The following SMAD5 variants were observed in gnomAD, a reference collection of about 807,000 sequenced individuals.
SMAD5 encodes the protein MAD, mothers against decapentaplegic homolog 5.
A neutral mutation model predicts 43.1 loss-of-function variants in SMAD5; 9 were observed. The ratio of observed to expected loss-of-function variants is 0.21; its 90% confidence interval spans 0.13 to 0.36. The LOEUF (loss-of-function observed/expected upper bound fraction) is 0.36, where lower values mean the gene tolerates loss of function less well. Ranked by LOEUF, SMAD5 falls within the 10% of genes least tolerant of loss-of-function variation. The probability of loss-of-function intolerance (pLI) is 1.00; values close to 1 mark genes in which losing one functional copy is unlikely to be tolerated. For missense variants in SMAD5, 348 were observed against 574.0 expected, an observed-to-expected ratio of 0.61 and a Z score of 4.02; for synonymous variants, 190 against 192.4, an observed-to-expected ratio of 0.99 and a Z score of 0.10.
intron 1 of SMAD5, among the ~76,000 whole-genome samples, chr5:136,136,273 G>A (rs1459554217): frequency 6.6e-6 from 1 of 152,148 alleles, no homozygotes; most frequent in African/African-American, 2.4e-5. Context: ...CGCCTCCCGG[G>A]TTGAAGCAAT....
intron 5 of SMAD5, among the ~76,000 whole-genome samples, chr5:136,168,287 A>G (rs1183611416): frequency 2.6e-5 from 4 of 152,132 alleles, no homozygotes; most frequent in Non-Finnish European, 5.9e-5. Context: ...TATATTAATG[A>G]GTTTGGCCAG....
At chr5:136,162,485 G>C (rs1169160611) in intron 4 of SMAD5, among the ~76,000 whole-genome samples, 1 of 152,186 alleles carries the variant, frequency 6.6e-6, no homozygotes, top group Non-Finnish European at 1.5e-5. Context: ...TTAAGTGCCA[G>C]CTGTTTAACT....
intron 7 of SMAD5, among the ~76,000 whole-genome samples, chr5:136,176,457 C>CAAAAAAAAAAAAAAAAAAAAAAAAAAAA: frequency 1.5e-5 from 1 of 68,510 alleles, no homozygotes; most frequent in East Asian, 4.8e-4. Context: ...CTCTGTCTCA[C>CAAAAAAAAAAAAAAAAAAAAAAAAAAAA]AAAAAAAAAA....
intron 5 of SMAD5, among the ~76,000 whole-genome samples, chr5:136,168,702 T>C (rs1754105540): frequency 1.3e-5 from 2 of 152,242 alleles, no homozygotes; most frequent in Non-Finnish European, 2.9e-5. Flanking sequence ...TTAAAAATTC[T>C]CTGTGCTCTG....
rs188064805 is a variant in SMAD5 at position 136,167,704 on chromosome 5, G to A, written c.775+4313G>A. 1.2e-3 allele frequency among the ~76,000 whole-genome samples: 187 copies of A among 151,552 alleles called. 1 individual carries two copies. The South Asian group carries it at 0.02, about 16-fold the overall frequency. On this transcript the variant is annotated intron_variant, in intron 5 of 7. Coordinates refer to ENST00000545279, the MANE Select transcript of SMAD5 (RefSeq NM_005903.7). ...GAGGCTGGAGAATCACTTGAACCTG[G>A]GAGGTGGAGGTTGCAGTGAGCCGAG...
At chr5:136,170,635 G>T (rs1056173853) in intron 5 of SMAD5, among the ~76,000 whole-genome samples, 1 of 152,070 alleles carries the variant, frequency 6.6e-6, no homozygotes, top group African/African-American at 2.4e-5. Context: ...CAGGGATTTT[G>T]ATTGGCATTA....
intron 3 of SMAD5, 85 bp from the exon 4 acceptor site, chr5:136,160,771 T>A: frequency 1.5e-6 from 2 of 1,352,828 alleles, no homozygotes; most frequent in Admixed American, 3.7e-5. Flanking sequence ...CAGTCTTACA[T>A]GAATCCTTTC....
Position 136,172,469 on chromosome 5 carries a change from T to C in SMAD5, c.811T>C (p.Trp271Arg). ...TGTTGCCTATGAAGAGCCTAAACAT[T>C]GGTGTTCAATAGTCTACTATGAATT... The part of the protein sequence containing the change: ...QPVAYEEPKH[W>R]CSIVYYELNN... The change falls in exon 6 of 8, where the codon TGG (tryptophan) becomes CGG (arginine). Residue 271 changes from tryptophan (W) to arginine (R), a missense_variant. Coordinates refer to ENST00000545279, the MANE Select transcript of SMAD5 (RefSeq NM_005903.7). 1 of 1,612,312 alleles carries C rather than the reference T, an allele frequency of 6.2e-7. No homozygotes were observed. The highest frequency in any genetic ancestry group is 8.5e-7 in the Non-Finnish European group (1 of 1,178,594).
intron 6 of SMAD5, chr5:136,172,907 C>T: frequency 2.1e-6 from 1 of 475,880 alleles, no homozygotes. Flanking sequence ...TTGAGTGTTA[C>T]CCTGACTGGA....
chr5:136,135,727 A>G (rs745734982), intron 1 of SMAD5, among the ~76,000 whole-genome samples: 1 of 152,348 alleles, frequency 6.6e-6, no homozygotes. Flanking sequence ...GGTCTAGGCA[A>G]TGAGCCACAC....
At chr5:136,166,276 A>G (rs1754008804) in intron 5 of SMAD5, among the ~76,000 whole-genome samples, 1 of 151,906 alleles carries the variant, frequency 6.6e-6, no homozygotes, top group African/African-American at 2.4e-5. Flanking sequence ...GTTTGTCCCA[A>G]GTTTAGAAAT....
chr5:136,150,782 A>G (rs2149766708), intron 2 of SMAD5, among the ~76,000 whole-genome samples: 1 of 152,142 alleles, frequency 6.6e-6, no homozygotes, highest in East Asian at 1.9e-4. Flanking sequence ...TCTGAATGCT[A>G]ATGATTAGAA....
At chr5:136,156,582 G>A (rs1045241097) in intron 3 of SMAD5, among the ~76,000 whole-genome samples, 2 of 152,134 alleles carry the variant, frequency 1.3e-5, no homozygotes, top group African/African-American at 4.8e-5. Flanking sequence ...CTGAGTCCAA[G>A]GAAAGCTGAT....
intron 1 of SMAD5, among the ~76,000 whole-genome samples, chr5:136,139,158 GTCTT>G (rs1752987315): frequency 6.6e-6 from 1 of 151,366 alleles, no homozygotes; most frequent in Non-Finnish European, 1.5e-5. Context: ...GTGTGTGTGT[GTCTT>G]TCTGTATGTT....
chr5:136,150,682 G>T (rs1449486386), intron 2 of SMAD5, among the ~76,000 whole-genome samples: 1 of 151,904 alleles, frequency 6.6e-6, no homozygotes, highest in Non-Finnish European at 1.5e-5. Context: ...ATTTGGATTG[G>T]ATCAGAAGGT....
rs1754597861 is a variant in SMAD5 at position 136,180,736 on chromosome 5, T to C, written c.*3256T>C. On this transcript the variant is annotated 3_prime_UTR_variant, in exon 8 of 8. Transcript: ENST00000545279. ...TATATAAAAAAAATAATAGAATTGG[T>C]TGGGTTTCTGAGGTGAAATCCAGAG... The C allele has an allele frequency of 1.3e-5, 2 of 152,164 alleles. No homozygotes were observed. Among genetic ancestry groups the C allele is most frequent in the African/African-American group, 4.8e-5 (2 of 41,468 alleles). 9.4% of individuals were successfully genotyped at this position (152,164 alleles called of 1,614,324 possible). A position where few individuals can be genotyped will look rare whatever the true frequency, so the allele number is the denominator to read the frequency against.
intron 2 of SMAD5, among the ~76,000 whole-genome samples, chr5:136,153,252 G>A (rs889921899): frequency 4.6e-5 from 7 of 152,142 alleles, no homozygotes; most frequent in Admixed American, 4.6e-4. Context: ...GGATTTCAGT[G>A]AAGAAAAGTA....
At position 136,172,676 on chromosome 5, in the gene SMAD5, C is replaced by T. The variant is rs772076929; in HGVS notation, c.997+21C>T. On this transcript the variant is annotated intron_variant, in intron 6 of 7. Transcript: ENST00000545279. ...AAAAGGTAATCTTGTCATTTTCCTA[C>T]ATTTAATCGAATTCAATCATTTGTT... The T allele has an allele frequency of 1.3e-5, 19 of 1,435,678 alleles. 1 individual carries two copies. In the East Asian group the frequency reaches 2.3e-4, roughly 17 times the overall value. The allele number at this position is 1,435,678 out of a possible 1,614,324, so 88.9% of individuals were successfully genotyped here. A position where few individuals can be genotyped will look rare whatever the true frequency, so the allele number is the denominator to read the frequency against.
intron 1 of SMAD5, among the ~76,000 whole-genome samples, chr5:136,136,943 C>T (rs762724706): frequency 5.9e-5 from 9 of 151,920 alleles, no homozygotes; most frequent in Non-Finnish European, 1.2e-4. Context: ...GTGATCTGCC[C>T]GCTATGGCCT....
Sources: allele counts gnomAD v4.1 joint callset (sites outside exome capture counted in the v4.1 genomes callset), GRCh38; gene constraint gnomAD v4.1.1; transcripts MANE v1.5; gene names NCBI Gene and HGNC (gene_info 2026-07-23, HGNC 2026-07-21).